The following GRID2 variants were observed in gnomAD, a reference collection of about 807,000 sequenced individuals.
GRID2 encodes the protein glutamate receptor ionotropic, delta-2.
In GRID2, 33 loss-of-function variants were observed where a neutral mutation model predicts 114.8. The observed-to-expected ratio is 0.29, with a 90% CI of 0.22 to 0.38. GRID2 has a LOEUF of 0.38. Ranked by LOEUF, GRID2 falls within the 10% of genes least tolerant of loss-of-function variation. GRID2 has a pLI of 1.00. For synonymous variants in GRID2, 505 were observed against 449.9 expected, an observed-to-expected ratio of 1.12 and a Z score of -1.55; for missense variants, 1,184 against 1,257.7, an observed-to-expected ratio of 0.94 and a Z score of 0.89.
chr4:92,613,557 A>T (rs1167377584), intron 2 of GRID2, among the ~76,000 whole-genome samples: 47 of 151,386 alleles, frequency 3.1e-4, no homozygotes. Flanking sequence ...TTGCAATAAG[A>T]TTTTGCATTA....
At chr4:93,352,400 A>T (rs1760892907) in intron 8 of GRID2, among the ~76,000 whole-genome samples, 2 of 152,088 alleles carry the variant, frequency 1.3e-5, no homozygotes, top group Admixed American at 6.6e-5. Flanking sequence ...GCCAGCCAGG[A>T]AAAGAAGCAG....
chr4:93,293,998 G>A (rs187177021), intron 8 of GRID2, among the ~76,000 whole-genome samples: 1 of 152,324 alleles, frequency 6.6e-6, no homozygotes, highest in African/African-American at 2.4e-5. Flanking sequence ...GAGAAGTAAA[G>A]CAGGGACAAT....
intron 4 of GRID2, among the ~76,000 whole-genome samples, chr4:93,163,343 A>ATT (rs201428577): frequency 4.0e-4 from 41 of 102,480 alleles, no homozygotes; most frequent in African/African-American, 9.4e-4. Context: ...TCCACTTCTG[A>ATT]TTTTTTTTTT....
At chr4:92,592,755 T>C (rs1728763001) in intron 2 of GRID2, among the ~76,000 whole-genome samples, 1 of 152,030 alleles carries the variant, frequency 6.6e-6, no homozygotes, top group Admixed American at 6.6e-5. Context: ...TTAAAGACAA[T>C]TTGTTTCCCT....
At chr4:93,438,624 A>C (rs966951478) in intron 10 of GRID2, among the ~76,000 whole-genome samples, 1 of 152,128 alleles carries the variant, frequency 6.6e-6, no homozygotes, top group Non-Finnish European at 1.5e-5. Flanking sequence ...ACATTAAAAC[A>C]ACAGTAACAG....
At chr4:93,619,538 C>T (rs185720437) in intron 13 of GRID2, among the ~76,000 whole-genome samples, 147 of 152,308 alleles carry the variant, frequency 9.7e-4, no homozygotes, top group Non-Finnish European at 1.9e-3. Flanking sequence ...TTATTTCCCT[C>T]ACATTATTCT....
chr4:93,549,830 C>T (rs1733591686), intron 13 of GRID2, among the ~76,000 whole-genome samples: 1 of 152,038 alleles, frequency 6.6e-6, no homozygotes, highest in Admixed American at 6.6e-5. Flanking sequence ...GGAATTCCTT[C>T]CAGAAGGAAA....
At chr4:93,197,263 G>C (rs1045696898) in intron 4 of GRID2, among the ~76,000 whole-genome samples, 3 of 152,248 alleles carry the variant, frequency 2.0e-5, no homozygotes, top group Admixed American at 1.3e-4. Flanking sequence ...AGAGGGCTAT[G>C]AGAAAATTTT....
At chr4:92,984,804 G>T (rs566983722) in intron 2 of GRID2, among the ~76,000 whole-genome samples, 1 of 150,566 alleles carries the variant, frequency 6.6e-6, no homozygotes, top group African/African-American at 2.4e-5. Context: ...CAATTTTAAT[G>T]AGTAGTAGTC....
At chr4:92,783,992 A>G (rs1328435738) in intron 2 of GRID2, among the ~76,000 whole-genome samples, 1 of 152,052 alleles carries the variant, frequency 6.6e-6, no homozygotes, top group African/African-American at 2.4e-5. Flanking sequence ...TTGCCACTAA[A>G]TCAATGTTTT....
At chr4:92,602,094 C>A (rs754109073) in intron 2 of GRID2, among the ~76,000 whole-genome samples, 1 of 151,552 alleles carries the variant, frequency 6.6e-6, no homozygotes, top group African/African-American at 2.4e-5. Flanking sequence ...CAAAGAGGAG[C>A]TGATAGCATT....
At chr4:93,325,845 T>C (rs1452837397) in intron 8 of GRID2, among the ~76,000 whole-genome samples, 2 of 152,128 alleles carry the variant, frequency 1.3e-5, no homozygotes, top group Non-Finnish European at 2.9e-5. Flanking sequence ...AGTCATTGAT[T>C]TGATTGTTTC....
At chr4:92,629,932 T>C (rs943732137) in intron 2 of GRID2, among the ~76,000 whole-genome samples, 1 of 147,956 alleles carries the variant, frequency 6.8e-6, no homozygotes, top group Non-Finnish European at 1.5e-5. Context: ...TTATAAATTA[T>C]ATATTTTATA....
chr4:93,672,317 G>A (rs1724495794), intron 14 of GRID2, among the ~76,000 whole-genome samples: 1 of 152,246 alleles, frequency 6.6e-6, no homozygotes, highest in Non-Finnish European at 1.5e-5. Context: ...TCCAAGGGTG[G>A]CCAAGGGAAT....
At chr4:93,277,037 G>A (rs1352896151) in intron 8 of GRID2, among the ~76,000 whole-genome samples, 1 of 151,798 alleles carries the variant, frequency 6.6e-6, no homozygotes, top group Non-Finnish European at 1.5e-5. Flanking sequence ...TTATTATCTA[G>A]TGGAAAAGGG....
chr4:92,338,376 T>C (rs1727295550), intron 1 of GRID2, among the ~76,000 whole-genome samples: 1 of 152,152 alleles, frequency 6.6e-6, no homozygotes, highest in Non-Finnish European at 1.5e-5. Flanking sequence ...CACAGATACA[T>C]TGCATTCGTA....
chr4:93,456,017 T>C (rs1187143990), intron 11 of GRID2, 43 bp downstream of exon 11: 1 of 1,164,316 alleles, frequency 8.6e-7, no homozygotes, highest in Non-Finnish European at 1.3e-6. Context: ...AAAAATAGAA[T>C]GTGATGTTTC....
intron 12 of GRID2, among the ~76,000 whole-genome samples, chr4:93,495,360 A>C (rs1727424835): frequency 6.6e-6 from 1 of 151,776 alleles, no homozygotes. Context: ...AAAGAAAATA[A>C]TTATTGAGCA....
intron 2 of GRID2, among the ~76,000 whole-genome samples, chr4:92,832,944 G>A (rs1014216696): frequency 3.3e-5 from 5 of 152,116 alleles, no homozygotes; most frequent in Admixed American, 1.3e-4. Context: ...AGGTCATAGG[G>A]AAAAGTCAGT....
Sources: allele counts gnomAD v4.1 joint callset (sites outside exome capture counted in the v4.1 genomes callset), GRCh38; gene constraint gnomAD v4.1.1; transcripts MANE v1.5; gene names NCBI Gene and HGNC (gene_info 2026-07-23, HGNC 2026-07-21).